Variants in KNL1 observed in about 807,000 individuals in gnomAD.
KNL1 encodes outer kinetochore KNL1 complex subunit KNL1.
KNL1 carries 66 observed loss-of-function variants against 201.3 expected under a neutral mutation model. The observed-to-expected ratio is 0.33, with a 90% CI of 0.27 to 0.40. The LOEUF (loss-of-function observed/expected upper bound fraction) is 0.40, where lower values mean the gene tolerates loss of function less well. Among genes scored for constraint, KNL1 ranks in the 10% least tolerant of loss-of-function variants. The probability of loss-of-function intolerance (pLI) is 1.00; values close to 1 mark genes in which losing one functional copy is unlikely to be tolerated. For synonymous variants in KNL1, 895 were observed against 899.2 expected, an observed-to-expected ratio of 1.00 and a Z score of 0.08; for missense variants, 2,815 against 2,690.5, an observed-to-expected ratio of 1.05 and a Z score of -1.02.
Position 40,611,977 on chromosome 15 carries a change from C to T in KNL1, c.284+466C>T, listed in dbSNP as rs570276697. Among the ~76,000 whole-genome samples the T allele has an allele frequency of 4.7e-4, 72 of 152,052 alleles. 1 individual carries two copies. In the South Asian group the frequency reaches 0.011, roughly 23 times the overall value. ...GGTGGATCACCTGAGGTCAGGAGTTCGAGACCAGCCTGGCCAACATGATGA... is the reference window on the plus strand; with the variant it reads ...GGTGGATCACCTGAGGTCAGGAGTTTGAGACCAGCCTGGCCAACATGATGA... On this transcript the variant is annotated intron_variant, in intron 7 of 25. Transcript: ENST00000399668.
At chr15:40,651,901 A>G (rs773270624) in intron 20 of KNL1, 104 bp from the exon 21 acceptor site, 1 of 669,762 alleles carries the variant, frequency 1.5e-6, no homozygotes, top group Non-Finnish European at 2.6e-6. Context: ...GTCCAGTGGA[A>G]AAACATTAGC....
chr15:40,632,572 A>T (rs911250369), intron 13 of KNL1, among the ~76,000 whole-genome samples: 1 of 152,168 alleles, frequency 6.6e-6, no homozygotes, highest in Non-Finnish European at 1.5e-5. Flanking sequence ...ACTGCACTCC[A>T]GCCTTGGAGA....
intron 9 of KNL1, among the ~76,000 whole-genome samples, chr15:40,620,264 G>A (rs1892474593): frequency 6.6e-6 from 1 of 150,866 alleles, no homozygotes; most frequent in East Asian, 1.9e-4. Context: ...CCCAGGCAGT[G>A]GTGCAATCTC....
intron 24 of KNL1, 130 bp downstream of exon 24, chr15:40,657,603 T>C (rs1893772616): frequency 1.7e-6 from 1 of 605,642 alleles, no homozygotes; most frequent in Non-Finnish European, 3.0e-6. Context: ...GCTGTTAGAA[T>C]CTGTCCATGC....
intron 7 of KNL1, among the ~76,000 whole-genome samples, chr15:40,613,603 T>G (rs1317462330): frequency 6.6e-6 from 1 of 151,936 alleles, no homozygotes; most frequent in African/African-American, 2.4e-5. Context: ...ATTCCCTCTT[T>G]CCCTCTTCTT....
intron 16 of KNL1, among the ~76,000 whole-genome samples, chr15:40,646,166 A>G (rs556278999): frequency 6.6e-6 from 1 of 152,346 alleles, no homozygotes; most frequent in Non-Finnish European, 1.5e-5. Flanking sequence ...AAGGCTCTGC[A>G]TAAAAAAACT....
At chr15:40,627,775 G>C (rs1040051282) in intron 10 of KNL1, among the ~76,000 whole-genome samples, 3 of 152,104 alleles carry the variant, frequency 2.0e-5, no homozygotes, top group Non-Finnish European at 4.4e-5. Context: ...GTGGCTAGTA[G>C]TTGAATAATT....
In KNL1 at chr15:40,608,876, C is replaced by T. The variant is rs201818761; in HGVS notation, c.165C>T (p.Asn55=). The T allele has an allele frequency of 1.8e-3, 2,824 of 1,610,642 alleles. 10 individuals carry two copies. The highest frequency in any genetic ancestry group is 6.9e-3 in the Middle Eastern group (42 of 6,056). ...QESNALRNKK[N]SRRVSFADTI... is the part of the protein sequence containing the mutation. ...CCAATGCTTTGAGAAATAAGAAAAA[C>T]TCTCGTCGAGTCAGCTTTGCAGATA... is the stretch of plus-strand genomic sequence containing the variant. Residue 55 remains asparagine, a synonymous_variant, in exon 5 of 26, where the codon AAC becomes AAT. Coordinates refer to ENST00000399668, the MANE Select transcript of KNL1 (RefSeq NM_144508.5).
At chr15:40,650,410 G>A in intron 18 of KNL1, 32 bp downstream of exon 18, 4 of 1,574,194 alleles carry the variant, frequency 2.5e-6, no homozygotes, top group Non-Finnish European at 3.5e-6. Flanking sequence ...ATAAATGGGT[G>A]TGGGGGAAGC....
At position 40,625,242 on chromosome 15, in the gene KNL1, A is replaced by C. The variant is rs1892704369; in HGVS notation, c.4978A>C (p.Lys1660Gln). The change falls in exon 10 of 26, where the codon AAG becomes CAG. Residue 1660 changes from lysine (K) to glutamine (Q), a missense_variant. By Grantham distance (53) the Lys-to-Gln change is moderately conservative. Transcript: ENST00000399668. ...AATCTTTTTGCCTAGATTGCCCAAC[A>C]AGAGAAATTGTAGTGTCACTGGTAT... ...LGIFLPRLPN[K>Q]RNCSVTGIDD... 1 of 1,614,064 alleles carries C rather than the reference A, an allele frequency of 6.2e-7. No individual in the cohort carries two copies. Among genetic ancestry groups the C allele is most frequent in the Middle Eastern group, 1.6e-4 (1 of 6,062 alleles).
At chr15:40,612,533 G>T (rs1041272298) in intron 7 of KNL1, among the ~76,000 whole-genome samples, 6 of 151,402 alleles carry the variant, frequency 4.0e-5, no homozygotes, top group Non-Finnish European at 8.8e-5. Context: ...TTTGTTTGTT[G>T]TTTAGACGGC....
rs979186313 is a variant in KNL1, at chr15:40,621,785, A to G, written c.1521A>G (p.Gln507=). The G allele has an allele frequency of 5.6e-6, 9 of 1,613,786 alleles. No individual in the cohort carries two copies. In the Admixed American group the frequency reaches 1.3e-4, roughly 24 times the overall value. ...TTAAACAAGATCAATCAAATGTGCA[A>G]ATAGCAGCTGCACCAACACCCGAAA... ...QIFKQDQSNV[Q]IAAAPTPEKE... Residue 507 remains glutamine (Q), a synonymous_variant, in exon 10 of 26, where the codon CAA becomes CAG. Coordinates refer to ENST00000399668, the MANE Select transcript of KNL1 (RefSeq NM_144508.5).
In KNL1 at chr15:40,625,244, G is replaced by T. The variant is rs201366681; in HGVS notation, c.4980G>T (p.Lys1660Asn). The T allele has an allele frequency of 6.2e-7, 1 of 1,613,914 alleles. No individual in the cohort carries two copies. Among genetic ancestry groups the T allele is most frequent in the South Asian group, 1.1e-5 (1 of 91,076 alleles). Residue 1660 changes from lysine (K) to asparagine (N), a missense_variant, in exon 10 of 26, where the codon AAG becomes AAT. Lys to Asn is a moderately conservative substitution (Grantham distance 94). Coordinates refer to ENST00000399668, the MANE Select transcript of KNL1 (RefSeq NM_144508.5). ...TCTTTTTGCCTAGATTGCCCAACAA[G>T]AGAAATTGTAGTGTCACTGGTATTG... is the stretch of plus-strand genomic sequence containing the variant. ...LGIFLPRLPN[K>N]RNCSVTGIDD...
At chr15:40,629,471 CTTT>C (rs11368953) in intron 13 of KNL1, 100 bp downstream of exon 13, 296 of 191,652 alleles carry the variant, frequency 1.5e-3, no homozygotes, top group Middle Eastern at 3.6e-3. Flanking sequence ...AGAGAGTTTT[CTTT>C]TTTTTTTTTT....
At chr15:40,620,403 G>A (rs562402558) in intron 9 of KNL1, among the ~76,000 whole-genome samples, 1 of 152,040 alleles carries the variant, frequency 6.6e-6, no homozygotes, top group African/African-American at 2.4e-5. Flanking sequence ...AGTAGAGACG[G>A]GGTTTCACCA....
At chr15:40,611,667 G>T (rs976555790) in intron 7 of KNL1, among the ~76,000 whole-genome samples, 156 bp downstream of exon 7, 6 of 151,696 alleles carry the variant, frequency 4.0e-5, no homozygotes, top group Non-Finnish European at 8.8e-5. Context: ...TATGGCCATT[G>T]TACTGTTTAT....
intron 8 of KNL1, 78 bp downstream of exon 8, chr15:40,615,456 AAACCATG>A (rs1892308147): frequency 1.5e-5 from 6 of 401,532 alleles, no homozygotes; most frequent in Non-Finnish European, 2.7e-5. Context: ...TATGTACAAG[AAACCATG>A]AACCACGAAA....
rs749850465 is a variant in KNL1, at chr15:40,605,101, C to A, written c.36-9C>A. ...TCACTGTGTATATAATTTTGTTTTC[C>A]TTTTTCAGTGACAATATAGAGAGAC... On this transcript the variant is annotated splice_polypyrimidine_tract_variant and intron_variant, in intron 2 of 25. Coordinates refer to ENST00000399668, the MANE Select transcript of KNL1 (RefSeq NM_144508.5). 2.1e-6 allele frequency: 3 copies of A among 1,427,264 alleles called. No homozygotes were observed. The highest frequency in any genetic ancestry group is 1.2e-5 in the South Asian group (1 of 86,466). The allele number at this position is 1,427,264 out of a possible 1,614,324, so 88.4% of individuals were successfully genotyped here.
At chr15:40,606,076 A>T (rs753025556) in intron 3 of KNL1, among the ~76,000 whole-genome samples, 3 of 152,212 alleles carry the variant, frequency 2.0e-5, no homozygotes, top group Non-Finnish European at 4.4e-5. Flanking sequence ...CTCATTCCTG[A>T]ACAAATCATC....
Sources: gnomAD v4.1 joint callset for allele counts (sites outside exome capture counted in the v4.1 genomes callset) on GRCh38, gnomAD v4.1.1 for gene constraint, MANE v1.5 for transcripts, NCBI Gene and HGNC (gene_info 2026-07-23, HGNC 2026-07-21) for gene names.